Variants in GABRR2 observed in about 807,000 individuals in gnomAD.
GABRR2 encodes the protein gamma-aminobutyric acid receptor subunit rho-2.
In GABRR2, 36 loss-of-function variants were observed where a neutral mutation model predicts 47.0. That is an observed-to-expected ratio of 0.77 (90% CI 0.59 to 1.01). The LOEUF (loss-of-function observed/expected upper bound fraction) is 1.01. Ranked by LOEUF, GABRR2 falls within the 50% of genes least tolerant of loss-of-function variation. GABRR2 has a pLI of 0.00. For missense variants in GABRR2, 587 were observed against 594.6 expected (o/e 0.99, Z 0.13); for synonymous variants, 204 against 227.5 (o/e 0.90, Z 0.93).
At chr6:89,304,094 A>T (rs1296725319) in intron 1 of GABRR2, among the ~76,000 whole-genome samples, 1 of 152,204 alleles carries the variant, frequency 6.6e-6, no homozygotes, top group African/African-American at 2.4e-5. Context: ...CAAAACCAAA[A>T]ATTGAGAAAT....
Position 89,255,315 on chromosome 6 carries a change from G to A in GABRR2, c.*2355C>T, listed in dbSNP as rs1773580307. On this transcript the variant is annotated 3_prime_UTR_variant, in exon 9 of 9. Coordinates refer to ENST00000402938, the MANE Select transcript of GABRR2 (RefSeq NM_002043.5). ...TAGCCAGGCATGGTGGCGCATGCCT[G>A]TAATCCCAGCTACTCCAGGGCTGAG... 6.6e-6 allele frequency among the ~76,000 whole-genome samples: 1 copy of A among 151,994 alleles called. No homozygotes were observed. The highest frequency in any genetic ancestry group is 2.1e-4 in the South Asian group (1 of 4,812).
chr6:89,277,017 T>C (rs1774173514), intron 2 of GABRR2, among the ~76,000 whole-genome samples: 1 of 152,188 alleles, frequency 6.6e-6, no homozygotes, highest in African/African-American at 2.4e-5. Flanking sequence ...TGTTCATGTA[T>C]TGGAATATTC....
chr6:89,268,159 G>T, intron 4 of GABRR2, 63 bp from the exon 5 acceptor site: 1 of 1,239,644 alleles, frequency 8.1e-7, no homozygotes, highest in Non-Finnish European at 1.2e-6. Context: ...CATCTGCCCA[G>T]AGCAAGAAGG....
chr6:89,290,707 C>T (rs936822666), intron 2 of GABRR2, among the ~76,000 whole-genome samples: 82 of 152,300 alleles, frequency 5.4e-4, no homozygotes, highest in African/African-American at 1.8e-3. Context: ...AATGAAAGTG[C>T]CAGTCGGTAT....
intron 1 of GABRR2, chr6:89,302,705 C>A: frequency 7.4e-7 from 1 of 1,346,658 alleles, no homozygotes; most frequent in Non-Finnish European, 1.0e-6. Flanking sequence ...TGGCAGTGGC[C>A]ACCGTGTTCC....
intron 8 of GABRR2, among the ~76,000 whole-genome samples, chr6:89,259,023 A>T (rs1302339774): frequency 6.6e-6 from 1 of 151,830 alleles, no homozygotes; most frequent in Non-Finnish European, 1.5e-5. Context: ...TTCTTTTAAT[A>T]GTTTCTGCAA....
chr6:89,262,163 A>C (rs1003168194), intron 8 of GABRR2, among the ~76,000 whole-genome samples: 10 of 152,212 alleles, frequency 6.6e-5, no homozygotes, highest in African/African-American at 2.4e-4. Context: ...CCTTCTCTTG[A>C]TAGACCATCA....
intron 1 of GABRR2, among the ~76,000 whole-genome samples, chr6:89,303,727 A>G (rs1164711815): frequency 1.3e-5 from 2 of 151,974 alleles, no homozygotes; most frequent in African/African-American, 4.8e-5. Context: ...GGCTATGGTA[A>G]CCAAAACAGC....
intron 2 of GABRR2, among the ~76,000 whole-genome samples, chr6:89,274,504 G>A (rs1442720838): frequency 3.3e-5 from 5 of 152,152 alleles, no homozygotes; most frequent in Non-Finnish European, 5.9e-5. Context: ...GTCCTATTTA[G>A]AAGGAAAGTA....
Position 89,257,055 on chromosome 6 carries a change from C to T in GABRR2, c.*615G>A, listed in dbSNP as rs144566309. Among the ~76,000 whole-genome samples, 156 of 152,154 alleles carry T rather than the reference C, an allele frequency of 1.0e-3. No individual in the cohort carries two copies. The highest frequency in any genetic ancestry group is 3.5e-3 in the African/African-American group (147 of 41,538). The stretch of plus-strand genomic sequence containing the variant: ...AAAGAGACTATTTTCTCATTTCTAC[C>T]GTACCTGGCACAGAGTGGGACCTCA... On this transcript the variant is annotated 3_prime_UTR_variant, in exon 9 of 9. Coordinates refer to ENST00000402938, the MANE Select transcript of GABRR2 (RefSeq NM_002043.5).
chr6:89,275,231 T>C (rs1274682400), intron 2 of GABRR2, among the ~76,000 whole-genome samples: 1 of 152,212 alleles, frequency 6.6e-6, no homozygotes, highest in African/African-American at 2.4e-5. Context: ...CACACTAACA[T>C]TTCTATTGAA....
chr6:89,279,855 T>C (rs1358479976), intron 2 of GABRR2, among the ~76,000 whole-genome samples: 1 of 152,138 alleles, frequency 6.6e-6, no homozygotes, highest in Non-Finnish European at 1.5e-5. Flanking sequence ...ATCATTAGGA[T>C]TAAATGTGCT....
intron 1 of GABRR2, chr6:89,301,767 G>T: frequency 1.4e-6 from 1 of 727,654 alleles, no homozygotes; most frequent in Non-Finnish European, 2.5e-6. Context: ...GCAGCCGCCT[G>T]CCAGACACGC....
chr6:89,268,223 A>G, intron 4 of GABRR2, 127 bp from the exon 5 acceptor site: 1 of 721,724 alleles, frequency 1.4e-6, no homozygotes, highest in Non-Finnish European at 2.5e-6. Flanking sequence ...AAGTTTGGAA[A>G]CAGTTATCTG....
chr6:89,283,267 T>C (rs373652389), intron 2 of GABRR2, among the ~76,000 whole-genome samples: 5 of 151,642 alleles, frequency 3.3e-5, no homozygotes, highest in African/African-American at 1.2e-4. Context: ...TTATCAAGAG[T>C]TTTTTCCATA....
rs777196221 is a variant in GABRR2 at position 89,267,674 on chromosome 6, G to C, written c.736+5C>G. 1.0e-5 allele frequency: 16 copies of C among 1,607,828 alleles called. No individual in the cohort carries two copies. Among genetic ancestry groups the C allele is most frequent in the Non-Finnish European group, 1.4e-5 (16 of 1,177,872 alleles). On this transcript the variant is annotated splice_donor_5th_base_variant and intron_variant, in intron 6 of 8. Transcript: ENST00000402938. Reference sequence around the variant, plus strand: ...TTGAATCAGATTGTGGCAAAAGATAGCTACCAGTGCTGCTGTAGAAGGCCA... The same window carrying C: ...TTGAATCAGATTGTGGCAAAAGATACCTACCAGTGCTGCTGTAGAAGGCCA...
intron 8 of GABRR2, among the ~76,000 whole-genome samples, chr6:89,259,149 T>C (rs942599623): frequency 5.3e-5 from 8 of 152,076 alleles, no homozygotes; most frequent in African/African-American, 1.9e-4. Context: ...ATGCTTGGTG[T>C]TGACTGAGAG....
intron 1 of GABRR2, among the ~76,000 whole-genome samples, chr6:89,305,886 A>G (rs1305757001): frequency 1.3e-5 from 2 of 152,082 alleles, no homozygotes; most frequent in Admixed American, 6.6e-5. Context: ...CATCTGTACA[A>G]CAAACCCCTG....
intron 8 of GABRR2, among the ~76,000 whole-genome samples, chr6:89,259,801 G>T (rs2127824169): frequency 6.6e-6 from 1 of 151,756 alleles, no homozygotes; most frequent in East Asian, 1.9e-4. Context: ...ACTGCACCCA[G>T]CCAACAATTT....
Sources: gnomAD v4.1 joint callset for allele counts (sites outside exome capture counted in the v4.1 genomes callset) on GRCh38, gnomAD v4.1.1 for gene constraint, MANE v1.5 for transcripts, NCBI Gene and HGNC (gene_info 2026-07-23, HGNC 2026-07-21) for gene names.